The following GNL3L variants were observed in gnomAD, a reference collection of about 807,000 sequenced individuals.
GNL3L encodes the protein G protein nucleolar 3 like.
In GNL3L, 4 loss-of-function variants were observed where a neutral mutation model predicts 42.9. That is an observed-to-expected ratio of 0.09 (90% CI 0.05 to 0.21). GNL3L has a LOEUF of 0.21. Ranked by LOEUF, GNL3L falls within the 10% of genes least tolerant of loss-of-function variation. The probability of loss-of-function intolerance (pLI) is 1.00; values close to 1 mark genes in which losing one functional copy is unlikely to be tolerated. For synonymous variants in GNL3L, 159 were observed against 176.3 expected (o/e 0.90, Z 0.78); for missense variants, 412 against 481.7 (o/e 0.86, Z 1.36).
At chrX:54,605,094 G>A (rs1926044486) in intron 16 of GNL3L, among the ~76,000 whole-genome samples, 1 of 111,052 alleles carries the variant, frequency 9.0e-6, no homozygotes, top group Non-Finnish European at 1.9e-5. Flanking sequence ...AAGGGATGAA[G>A]GCTGCTTCCT....
At chrX:54,569,447 T>C (rs894139007), downstream of GNL3L, among the ~76,000 whole-genome samples, 1 of 112,382 alleles carries the variant, frequency 8.9e-6, no homozygotes, top group Non-Finnish European at 1.9e-5. Flanking sequence ...CTTCATTTCA[T>C]GTAGTTTATC....
chrX:54,608,062 A>G (rs986317819), intron 16 of GNL3L, among the ~76,000 whole-genome samples: 1 of 112,045 alleles, frequency 8.9e-6, no homozygotes, highest in African/African-American at 3.2e-5. Context: ...AACAAGATAT[A>G]TAAGGATACA....
At chrX:54,574,404 T>C (rs1164985772) in intron 16 of GNL3L, among the ~76,000 whole-genome samples, 1 of 112,316 alleles carries the variant, frequency 8.9e-6, no homozygotes, top group Non-Finnish European at 1.9e-5. Flanking sequence ...ATAGGTTTTC[T>C]TTTAATTCTA....
intron 16 of GNL3L, among the ~76,000 whole-genome samples, chrX:54,599,283 A>G (rs1925974154): frequency 1.8e-5 from 2 of 112,127 alleles, no homozygotes; most frequent in South Asian, 3.7e-4. Context: ...AAAGTGAAGA[A>G]GATATAGTTT....
In GNL3L at chrX:54,544,007, G is replaced by C. The variant is rs1924699217; in HGVS notation, c.527-216G>C. 1.5e-5 allele frequency: 5 copies of C among 339,310 alleles called. No individual in the cohort carries two copies. In the South Asian group the frequency reaches 3.5e-4, roughly 24 times the overall value. 28.0% of individuals were successfully genotyped at this position (339,310 alleles called of 1,213,427 possible). A position where few individuals can be genotyped will look rare whatever the true frequency, so the allele number is the denominator to read the frequency against. On this transcript the variant is annotated intron_variant, in intron 7 of 15. Coordinates refer to ENST00000360845, the MANE Select transcript of GNL3L (RefSeq NM_001184819.2). ...GCTAGTTTGTCCATTTTCCCTGAGG[G>C]AACAGAGGCCCCTTCAGGGAGGGCT...
the GNL3L span, among the ~76,000 whole-genome samples, chrX:54,633,583 A>T: frequency 9.0e-6 from 1 of 110,803 alleles, no homozygotes; most frequent in Non-Finnish European, 1.9e-5. Context: ...TGCTGCGGCC[A>T]AAGAGAGGGA....
chrX:54,536,407 A>G (rs1413360363), intron 2 of GNL3L, among the ~76,000 whole-genome samples: 2 of 110,901 alleles, frequency 1.8e-5, no homozygotes, highest in African/African-American at 3.3e-5. Context: ...ATTTCCGTAG[A>G]TTTCCTGCCC....
downstream of GNL3L, among the ~76,000 whole-genome samples, chrX:54,571,397 G>A (rs1405752135): frequency 9.3e-6 from 1 of 108,066 alleles, no homozygotes; most frequent in African/African-American, 3.4e-5. Context: ...GGGTTTTACC[G>A]TGTTAGCCAG....
At chrX:54,634,871 C>G in the GNL3L span, among the ~76,000 whole-genome samples, 4 of 98,374 alleles carry the variant, frequency 4.1e-5, no homozygotes, top group East Asian at 3.3e-4. Flanking sequence ...CTCACTACAA[C>G]CTCTGCCTCC....
chrX:54,547,914 T>G (rs1924819965), intron 8 of GNL3L, among the ~76,000 whole-genome samples: 1 of 111,568 alleles, frequency 9.0e-6, no homozygotes, highest in Non-Finnish European at 1.9e-5. Flanking sequence ...GAAGCAGGCT[T>G]TGCTGGACAT....
rs140386709 is a variant in GNL3L at position 54,621,016 on chromosome X, C to T, written c.*217C>T. Among the ~76,000 whole-genome samples the T allele has an allele frequency of 6.1e-3, 680 of 112,075 alleles. 6 individuals carry two copies. The highest frequency in any genetic ancestry group is 0.021 in the African/African-American group (647 of 30,897). On this transcript the variant is annotated 3_prime_UTR_variant, in exon 17 of 17. Coordinates refer to the GNL3L transcript ENST00000674498. Reference sequence around the variant, plus strand: ...GTCAGAGTCCTGGCAGGAAACAGATCGCTACACAATGACAGGTTATCTTTT... The same window carrying T: ...GTCAGAGTCCTGGCAGGAAACAGATTGCTACACAATGACAGGTTATCTTTT...
intron 14 of GNL3L, among the ~76,000 whole-genome samples, chrX:54,557,952 C>T (rs1262647300): frequency 9.1e-6 from 1 of 109,504 alleles, no homozygotes; most frequent in Non-Finnish European, 1.9e-5. Flanking sequence ...GGTGCGATCT[C>T]GGCTCTCTGC....
At chrX:54,614,412 G>A (rs773670681) in intron 16 of GNL3L, among the ~76,000 whole-genome samples, 4 of 110,695 alleles carry the variant, frequency 3.6e-5, no homozygotes, top group Non-Finnish European at 7.6e-5. Context: ...CCGGATTTGC[G>A]CCCTCCCCTG....
chrX:54,549,080 G>A (rs754748842), intron 9 of GNL3L, among the ~76,000 whole-genome samples: 1 of 111,216 alleles, frequency 9.0e-6, no homozygotes, highest in Non-Finnish European at 1.9e-5. Flanking sequence ...GACATAGGAA[G>A]GGTAGAGATA....
chrX:54,643,056 T>C, the GNL3L span, among the ~76,000 whole-genome samples: 2 of 112,216 alleles, frequency 1.8e-5, no homozygotes, highest in African/African-American at 6.5e-5. Flanking sequence ...TGCATAAAGA[T>C]AAATATGAAT....
chrX:54,533,095 T>C (rs1180546875), intron 2 of GNL3L, among the ~76,000 whole-genome samples: 3 of 111,879 alleles, frequency 2.7e-5, no homozygotes, highest in Non-Finnish European at 5.6e-5. Flanking sequence ...AATTTACAGA[T>C]GAGGAAACTG....
Position 54,548,354 on chromosome X carries a change from C to T in GNL3L, c.756C>T (p.His252=), listed in dbSNP as rs1924834732. 6.6e-6 allele frequency: 8 copies of T among 1,205,935 alleles called. No homozygotes were observed. Among genetic ancestry groups the T allele is most frequent in the Non-Finnish European group, 9.0e-6 (8 of 890,822 alleles). Residue 252 remains histidine (H), a synonymous_variant, in exon 9 of 16, where the codon CAC becomes CAT. Coordinates refer to ENST00000360845, the MANE Select transcript of GNL3L (RefSeq NM_001184819.2). Reference sequence around the variant, plus strand: ...GCCGCCTTGGTGAAGTGCGCACCCACATTCGTGTGGGTGTTGTGGGTAAGA... The same window carrying T: ...GCCGCCTTGGTGAAGTGCGCACCCATATTCGTGTGGGTGTTGTGGGTAAGA... ...NYCRLGEVRT[H]IRVGVVGLPN...
At position 54,566,808 on chromosome X, in the gene GNL3L, C is replaced by G. The variant is rs918865834; in HGVS notation, c.*6206C>G. Among the ~76,000 whole-genome samples the G allele has an allele frequency of 8.9e-6, 1 of 111,995 alleles. No homozygotes were observed. Among genetic ancestry groups the G allele is most frequent in the Non-Finnish European group, 1.9e-5 (1 of 53,215 alleles). On this transcript the variant is annotated 3_prime_UTR_variant, in exon 16 of 16. Coordinates refer to ENST00000360845, the MANE Select transcript of GNL3L (RefSeq NM_001184819.2). ...CCCCTTATTTTGAGACAGGATCTCA[C>G]TGTCACCCAGGCTGGGGTGCAGTGG...
chrX:54,589,233 C>T (rs5961091), intron 16 of GNL3L, among the ~76,000 whole-genome samples: 14,410 of 110,275 alleles, frequency 0.13, 1,391 homozygotes, highest in African/African-American at 0.34. Context: ...TATAAATAGA[C>T]GGAAAAATAG....
Sources: allele counts gnomAD v4.1 joint callset (sites outside exome capture counted in the v4.1 genomes callset), GRCh38; gene constraint gnomAD v4.1.1; transcripts MANE v1.5; gene names NCBI Gene and HGNC (gene_info 2026-07-23, HGNC 2026-07-21).